GRK1: variants seen among roughly 807,000 people sequenced by gnomAD.
The protein encoded by GRK1 is rhodopsin kinase GRK1.
GRK1 carries 28 observed loss-of-function variants against 41.7 expected under a neutral mutation model. The observed-to-expected ratio is 0.67, with a 90% confidence interval of 0.50 to 0.92. The LOEUF (loss-of-function observed/expected upper bound fraction) is 0.92, where lower values mean the gene tolerates loss of function less well. Ranked by LOEUF, GRK1 falls within the 40% of genes least tolerant of loss-of-function variation. The pLI, the probability that GRK1 is intolerant of heterozygous loss-of-function variation, is 0.00. For missense variants in GRK1, 703 were observed against 671.2 expected (o/e 1.05, Z -0.52); for synonymous variants, 327 against 286.7 (o/e 1.14, Z -1.42).
At chr13:113,652,849 G>A in the GRK1 span, 1 of 1,611,806 alleles carries the variant, frequency 6.2e-7, no homozygotes, top group Non-Finnish European at 8.5e-7. Context: ...GTAGTGGCGT[G>A]TGAAGGAGAC....
At chr13:113,733,538 CAT>C (rs879314049) in intron 6 of GRK1, among the ~76,000 whole-genome samples, 16,308 of 145,598 alleles carry the variant, frequency 0.11, 1,064 homozygotes, top group Middle Eastern at 0.24. Flanking sequence ...CGCGTGTGTG[CAT>C]GCGTGTGCGC....
At position 113,667,774 on chromosome 13, in the gene GRK1, A is replaced by G; in HGVS notation, c.388A>G (p.Ile130Val). The change falls in exon 1 of 7, where the codon ATA becomes GTA. Residue 130 changes from isoleucine (I) to valine (V), a missense_variant. By Grantham distance (29) the Ile-to-Val change is conservative. Coordinates refer to ENST00000335678, the MANE Select transcript of GRK1 (RefSeq NM_002929.3). This position sits in a 1 kb window ranked among gnomAD's most constrained non-coding sequence, Gnocchi z 7.5. ...CTTCTGCAGCTTCCTGGATGAGGGG[A>G]TAGTGGCGAAGTTTAAGGAGGGGCC... Reference protein sequence around the residue: ...KLFCSFLDEGIVAKFKEGPVE... With the variant: ...KLFCSFLDEGVVAKFKEGPVE... 2.5e-6 allele frequency: 4 copies of G among 1,612,784 alleles called. No individual in the cohort carries two copies. Among genetic ancestry groups the G allele is most frequent in the Non-Finnish European group, 3.4e-6 (4 of 1,179,076 alleles).
At position 113,731,472 on chromosome 13, in the gene GRK1, G is replaced by T; in HGVS notation, c.1194+129G>T. 1 of 1,334,308 alleles carries T rather than the reference G, an allele frequency of 7.5e-7. No individual in the cohort carries two copies. The highest frequency in any genetic ancestry group is 1.0e-6 in the Non-Finnish European group (1 of 991,890). 82.7% of individuals were successfully genotyped at this position (1,334,308 alleles called of 1,614,324 possible). On this transcript the variant is annotated intron_variant, in intron 5 of 6. Transcript: ENST00000335678. The surrounding 1 kb of genome is among the most constrained non-coding windows in gnomAD (Gnocchi z 5.6). The stretch of plus-strand genomic sequence containing the variant: ...TTCTGTGGGCCCTGGGGTGGGGAGG[G>T]CACAGATTCACGTGCTGGGGTCTTG...
rs768113988 is a variant in GRK1 at position 113,735,044 on chromosome 13, G to A, written c.1397-24G>A. 2.3e-5 allele frequency: 34 copies of A among 1,471,742 alleles called. No individual in the cohort carries two copies. In the East Asian group the frequency reaches 3.1e-4, roughly 13 times the overall value. The allele number at this position is 1,471,742 out of a possible 1,614,324, so 91.2% of individuals were successfully genotyped here. On this transcript the variant is annotated intron_variant, in intron 6 of 6. Coordinates refer to ENST00000335678, the MANE Select transcript of GRK1 (RefSeq NM_002929.3). ...TCCTTCCCACCACGAGGAGCCTGGCGTCTGTGTTTTCTGTCTCCCACAGGG... is the reference window on the plus strand; with the variant it reads ...TCCTTCCCACCACGAGGAGCCTGGCATCTGTGTTTTCTGTCTCCCACAGGG...
At chr13:113,651,993 C>G in the GRK1 span, among the ~76,000 whole-genome samples, 9 of 152,202 alleles carry the variant, frequency 5.9e-5, no homozygotes, top group African/African-American at 2.2e-4. Context: ...TGGCAGGAGG[C>G]AGAGCTGGGG....
intron 4 of GRK1, among the ~76,000 whole-genome samples, chr13:113,729,028 G>A (rs1032877456): frequency 1.3e-5 from 2 of 152,204 alleles, no homozygotes; most frequent in African/African-American, 4.8e-5. Context: ...GTTGGGAAGG[G>A]CTCGAGAGGT....
At position 113,733,362 on chromosome 13, in the gene GRK1, C is replaced by T. The variant is rs568679959; in HGVS notation, c.1396+277C>T. ...GCCTCGAGACCCAAACCTTCCACCA[C>T]GTCCCCTGGTGCTGGAGGGAGCCCA... On this transcript the variant is annotated intron_variant, in intron 6 of 6. Transcript: ENST00000335678. Among the ~76,000 whole-genome samples, 23 of 152,366 alleles carry T rather than the reference C, an allele frequency of 1.5e-4. No homozygotes were observed. The East Asian group carries it at 4.2e-3, about 28-fold the overall frequency.
chr13:113,733,662 C>CATACGTGTGTGCGT (rs1566699550), intron 6 of GRK1, among the ~76,000 whole-genome samples: 2 of 126,056 alleles, frequency 1.6e-5, no homozygotes, highest in African/African-American at 3.2e-5. Flanking sequence ...CGTGTGTGTG[C>CATACGTGTGTGCGT]GTGTGTGCAC....
At chr13:113,666,871 T>C (rs1316610989), upstream of GRK1, among the ~76,000 whole-genome samples, 2 of 152,210 alleles carry the variant, frequency 1.3e-5, no homozygotes, top group Non-Finnish European at 2.9e-5. Context: ...CCTTTGTAAA[T>C]TACGGTTTCT....
the GRK1 span, chr13:113,654,874 C>G: frequency 3.7e-6 from 6 of 1,614,242 alleles, no homozygotes; most frequent in Non-Finnish European, 5.1e-6. Flanking sequence ...TGCATCAGCA[C>G]ATAGAGGCAC....
rs371131127 is a variant in GRK1, at chr13:113,731,352, C to T, written c.1194+9C>T. ...GAGCCCGTGGAGAGAAGGTAGGAGG[C>T]GGCCGGCAGGTGTCTCTGCAGCCAC... On this transcript the variant is annotated intron_variant, in intron 5 of 6. Transcript: ENST00000335678. The surrounding 1 kb of genome is among the most constrained non-coding windows in gnomAD (Gnocchi z 5.6). 4.6e-5 allele frequency: 71 copies of T among 1,536,408 alleles called. No homozygotes were observed. The highest frequency in any genetic ancestry group is 6.9e-5 in the African/African-American group (5 of 72,974).
rs748286347 is a variant in GRK1 at position 113,669,730 on chromosome 13, G to A, written c.743G>A (p.Arg248Lys). The change falls in exon 2 of 7, where the codon AGG becomes AAG. Residue 248 changes from arginine to lysine, a missense_variant. Arg to Lys is a conservative substitution (Grantham distance 26). Transcript: ENST00000335678. ...EKKILMKVHS[R>K]FIVSLAYAFE... ...AAGATTCTGATGAAAGTACACAGCAGGTTCATCGTGTCTCTGGCCTATGCG... is the reference window on the plus strand; with the variant it reads ...AAGATTCTGATGAAAGTACACAGCAAGTTCATCGTGTCTCTGGCCTATGCG... 1 of 1,613,998 alleles carries A rather than the reference G, an allele frequency of 6.2e-7. No individual in the cohort carries two copies. The highest frequency in any genetic ancestry group is 8.5e-7 in the Non-Finnish European group (1 of 1,179,866).
chr13:113,651,597 CCCAGCATGAA>C, the GRK1 span: 1 of 1,451,896 alleles, frequency 6.9e-7, no homozygotes, highest in East Asian at 2.6e-5. Context: ...GTGGGCCGTG[CCCAGCATGAA>C]CCAGCACGAC....
At chr13:113,734,616 G>A (rs1180875389) in intron 6 of GRK1, 2 of 154,934 alleles carry the variant, frequency 1.3e-5, no homozygotes, top group East Asian at 1.9e-4. Flanking sequence ...GAGGGACGCT[G>A]GTTGGAAGGA....
the GRK1 span, chr13:113,649,521 G>A: frequency 6.5e-7 from 1 of 1,534,272 alleles, no homozygotes; most frequent in Non-Finnish European, 8.8e-7. The surrounding 1 kb of genome is among the most constrained non-coding windows in gnomAD (Gnocchi z 4.7). Context: ...CCACCAGGGG[G>A]TTGCTGTAGT....
chr13:113,669,851 T>C (rs1362719319), intron 2 of GRK1, 37 bp downstream of exon 2: 1 of 1,611,070 alleles, frequency 6.2e-7, no homozygotes, highest in South Asian at 1.1e-5. Context: ...GGGGCCCCGC[T>C]GTCCCACTGG....
At chr13:113,668,579 C>T (rs540683998) in intron 1 of GRK1, among the ~76,000 whole-genome samples, 1 of 152,378 alleles carries the variant, frequency 6.6e-6, no homozygotes, top group South Asian at 2.1e-4. Context: ...AGGAACTGTT[C>T]CCCTGAGTGT....
the GRK1 span, chr13:113,658,079 C>G: frequency 6.2e-7 from 1 of 1,611,874 alleles, no homozygotes. Context: ...TGTCCGGGTT[C>G]CAGCAGTAAC....
chr13:113,650,268 C>T, the GRK1 span: 145 of 777,104 alleles, frequency 1.9e-4, 1 homozygote, highest in South Asian at 1.8e-3. The surrounding 1 kb of genome is among the most constrained non-coding windows in gnomAD (Gnocchi z 5.0). Flanking sequence ...GGGAAACACG[C>T]AGAACGTTCC....
Sources: allele counts gnomAD v4.1 joint callset (sites outside exome capture counted in the v4.1 genomes callset), GRCh38; gene constraint gnomAD v4.1.1; non-coding constraint Gnocchi (gnomAD v3.1); transcripts MANE v1.5; gene names NCBI Gene and HGNC (gene_info 2026-07-23, HGNC 2026-07-21).